Variants in CDH12 observed in about 807,000 individuals in gnomAD.
The protein encoded by CDH12 is cadherin 12.
A neutral mutation model predicts 74.1 loss-of-function variants in CDH12; 41 were observed. The observed-to-expected ratio is 0.55, with a 90% confidence interval of 0.43 to 0.72. CDH12 has a LOEUF of 0.72. CDH12 is among the 30% of genes least tolerant of loss of function. The probability of loss-of-function intolerance (pLI) is 0.00; values close to 1 mark genes in which losing one functional copy is unlikely to be tolerated. For missense variants in CDH12, 945 were observed against 977.2 expected (o/e 0.97, Z 0.44); for synonymous variants, 399 against 355.0 (o/e 1.12, Z -1.39).
At chr5:22,269,180 G>A (rs1736270218) in intron 3 of CDH12, among the ~76,000 whole-genome samples, 1 of 152,060 alleles carries the variant, frequency 6.6e-6, no homozygotes, top group Non-Finnish European at 1.5e-5. Flanking sequence ...GTGTTCAATA[G>A]TATTTTGTTT....
At chr5:21,768,538 A>C (rs1745150124) in intron 11 of CDH12, among the ~76,000 whole-genome samples, 1 of 151,982 alleles carries the variant, frequency 6.6e-6, no homozygotes, top group Non-Finnish European at 1.5e-5. Flanking sequence ...GCAAGAACAT[A>C]GTTAACAGGT....
At chr5:22,778,950 G>A (rs1176297938) in intron 1 of CDH12, among the ~76,000 whole-genome samples, 1 of 151,820 alleles carries the variant, frequency 6.6e-6, no homozygotes, top group Non-Finnish European at 1.5e-5. Flanking sequence ...TTTATACAAG[G>A]AATATATCTA....
At chr5:22,447,175 T>C (rs1744848101) in intron 2 of CDH12, among the ~76,000 whole-genome samples, 1 of 152,148 alleles carries the variant, frequency 6.6e-6, no homozygotes, top group African/African-American at 2.4e-5. Context: ...TAGATTTGCC[T>C]ATTAAGTTTC....
intron 8 of CDH12, among the ~76,000 whole-genome samples, chr5:21,830,625 T>C (rs982131382): frequency 6.6e-6 from 1 of 152,114 alleles, no homozygotes; most frequent in Non-Finnish European, 1.5e-5. Flanking sequence ...TTTGCATCAG[T>C]GAGAGTTTAT....
rs1737120059 is a variant in CDH12 at position 22,523,003 on chromosome 5, G to A, written c.-522-17639C>T. On this transcript the variant is annotated intron_variant, in intron 1 of 14. Coordinates refer to ENST00000382254, the MANE Select transcript of CDH12 (RefSeq NM_004061.5). ...TCATACCTCATGCACACGATCCTCT[G>A]CCATCATTATTCTGCTGAAATTGAC... Among the ~76,000 whole-genome samples, 3 of 152,082 alleles carry A rather than the reference G, an allele frequency of 2.0e-5. No homozygotes were observed. In the South Asian group the frequency reaches 6.2e-4, roughly 31 times the overall value.
rs2126662877 is a variant in CDH12 at position 22,505,368 on chromosome 5, G to A, written c.-522-4C>T. 1 of 947,458 alleles carries A rather than the reference G, an allele frequency of 1.1e-6. No homozygotes were observed. Among genetic ancestry groups the A allele is most frequent in the African/African-American group, 1.8e-5 (1 of 56,586 alleles). The allele number at this position is 947,458 out of a possible 1,614,324, so 58.7% of individuals were successfully genotyped here. The stretch of plus-strand genomic sequence containing the variant: ...GCCAAGCTGTTAGGTAACAAAGCTG[G>A]AAAGACAAACATATACAGTCAGAAT... On this transcript the variant is annotated splice_region_variant and splice_polypyrimidine_tract_variant and intron_variant, in intron 1 of 14. Coordinates refer to ENST00000382254, the MANE Select transcript of CDH12 (RefSeq NM_004061.5).
chr5:22,099,077 A>G (rs951869388), intron 4 of CDH12, among the ~76,000 whole-genome samples: 8 of 152,084 alleles, frequency 5.3e-5, no homozygotes, highest in Non-Finnish European at 8.8e-5. Flanking sequence ...GCTTTACTCA[A>G]CATGCCCCAA....
In CDH12 at chr5:22,425,156, TATATATATATATATAA is replaced by T. The variant is rs528172587; in HGVS notation, c.-427-19821_-427-19806del. On this transcript the variant is annotated intron_variant, in intron 2 of 14. Coordinates refer to ENST00000382254, the MANE Select transcript of CDH12 (RefSeq NM_004061.5). ...AAAATTATATATATGTGTGTGTGTATATATATATATATATAAATATATATATATATATACTTCTTTC... is the reference window on the plus strand; with the variant it reads ...AAAATTATATATATGTGTGTGTGTATATATATATATATATATACTTCTTTC... 2.2e-4 allele frequency among the ~76,000 whole-genome samples: 28 copies of T among 126,266 alleles called. No homozygotes were observed. The East Asian group carries it at 2.6e-3, about 12-fold the overall frequency. 82.8% of individuals were successfully genotyped at this position (126,266 alleles called of 152,430 possible).
At chr5:22,828,385 T>C (rs557694981) in intron 1 of CDH12, among the ~76,000 whole-genome samples, 1 of 152,282 alleles carries the variant, frequency 6.6e-6, no homozygotes, top group Admixed American at 6.5e-5. Flanking sequence ...GATAAAAAAA[T>C]TTGATAGGCA....
chr5:22,302,291 A>G (rs918882143), intron 3 of CDH12, among the ~76,000 whole-genome samples: 2 of 152,162 alleles, frequency 1.3e-5, no homozygotes, highest in African/African-American at 4.8e-5. Flanking sequence ...GTGTCAAGAA[A>G]TAACAATGCA....
At chr5:22,638,800 C>T (rs570061591) in intron 1 of CDH12, 1 of 151,986 alleles carries the variant, frequency 6.6e-6, no homozygotes, top group East Asian at 2.0e-4. Context: ...AATGTAATCC[C>T]AGCACTTCGG....
At chr5:22,570,521 A>G (rs1561497608) in intron 1 of CDH12, among the ~76,000 whole-genome samples, 1 of 149,486 alleles carries the variant, frequency 6.7e-6, no homozygotes, top group Non-Finnish European at 1.5e-5. Flanking sequence ...TAATATTTTG[A>G]AAAAAAAAAT....
chr5:22,344,591 A>G (rs1024070379), intron 3 of CDH12, among the ~76,000 whole-genome samples: 1 of 152,176 alleles, frequency 6.6e-6, no homozygotes, highest in African/African-American at 2.4e-5. Flanking sequence ...ATAGCTTTGA[A>G]CTACCAAGCA....
Position 21,751,663 on chromosome 5 carries a change from C to G in CDH12, c.*74G>C. ...GTGTGTGTGTGTGTGAGAGAGATTTCTATTAATATTTGTGTTTCTTTTTCT... is the reference window on the plus strand; with the variant it reads ...GTGTGTGTGTGTGTGAGAGAGATTTGTATTAATATTTGTGTTTCTTTTTCT... On this transcript the variant is annotated 3_prime_UTR_variant, in exon 15 of 15. Coordinates refer to ENST00000382254, the MANE Select transcript of CDH12 (RefSeq NM_004061.5). 3 of 836,290 alleles carry G rather than the reference C, an allele frequency of 3.6e-6. No individual in the cohort carries two copies. Among genetic ancestry groups the G allele is most frequent in the Non-Finnish European group, 5.4e-6 (3 of 552,406 alleles). 51.8% of individuals were successfully genotyped at this position (836,290 alleles called of 1,614,324 possible). A position where few individuals can be genotyped will look rare whatever the true frequency, so the allele number is the denominator to read the frequency against.
At chr5:22,523,713 T>G (rs1424529407) in intron 1 of CDH12, among the ~76,000 whole-genome samples, 1 of 152,148 alleles carries the variant, frequency 6.6e-6, no homozygotes, top group Non-Finnish European at 1.5e-5. Flanking sequence ...AGTTGTAGGT[T>G]GCCTCATATA....
chr5:22,616,297 G>T (rs1395545122), intron 1 of CDH12, among the ~76,000 whole-genome samples: 2 of 151,982 alleles, frequency 1.3e-5, no homozygotes, highest in South Asian at 2.1e-4. Context: ...ATACAAATAG[G>T]TATGAGAAAA....
chr5:21,891,524 CCCTT>C (rs1752896059), intron 6 of CDH12, among the ~76,000 whole-genome samples: 2 of 151,334 alleles, frequency 1.3e-5, no homozygotes, highest in Middle Eastern at 3.4e-3. Context: ...GAAATAAAGT[CCCTT>C]CATTCTTCAG....
chr5:21,802,313 C>T lies in CDH12; in HGVS notation c.1110G>A (p.Thr370=), dbSNP rs1747162656. The change falls in exon 10 of 15, where the codon ACG becomes ACA. Residue 370 remains threonine, a synonymous_variant. Transcript: ENST00000382254. ...CTACGTCCAGCACGCTGATCTTCAC[C>T]GTAGCTGTGTCTTTGAAAGGGCCCG... ...HSAGPFKDTA[T]VKISVLDVDE... The T allele has an allele frequency of 5.0e-6, 8 of 1,613,718 alleles. No homozygotes were observed. The highest frequency in any genetic ancestry group is 3.3e-5 in the South Asian group (3 of 91,078).
At chr5:21,980,184 T>C (rs1757249762) in intron 5 of CDH12, among the ~76,000 whole-genome samples, 1 of 148,586 alleles carries the variant, frequency 6.7e-6, no homozygotes, top group African/African-American at 2.4e-5. Context: ...ATGTATGGCA[T>C]ATATATATAT....
Sources: allele counts gnomAD v4.1 joint callset (sites outside exome capture counted in the v4.1 genomes callset), GRCh38; gene constraint gnomAD v4.1.1; transcripts MANE v1.5; gene names NCBI Gene and HGNC (gene_info 2026-07-23, HGNC 2026-07-21).